Variants in KCNN3 observed in about 807,000 individuals in gnomAD.
KCNN3 encodes the protein potassium calcium-activated channel subfamily N member 3, also known as small conductance calcium-activated potassium channel protein 3.
In KCNN3, 16 loss-of-function variants were observed where a neutral mutation model predicts 62.9. The ratio of observed to expected loss-of-function variants is 0.25; its 90% CI spans 0.17 to 0.39. The LOEUF (loss-of-function observed/expected upper bound fraction) is 0.39, where lower values mean the gene tolerates loss of function less well. Among genes scored for constraint, KCNN3 ranks in the 10% least tolerant of loss-of-function variants. The pLI is 1.00. For missense variants in KCNN3, 599 were observed against 949.4 expected, an observed-to-expected ratio of 0.63 and a Z score of 4.85; for synonymous variants, 370 against 389.2, an observed-to-expected ratio of 0.95 and a Z score of 0.58.
chr1:154,730,379 C>A (rs1209566733), intron 4 of KCNN3, among the ~76,000 whole-genome samples: 1 of 152,198 alleles, frequency 6.6e-6, no homozygotes, highest in Non-Finnish European at 1.5e-5. Context: ...TTTCCCTTCC[C>A]AAGCAGGCCT....
At chr1:154,836,161 C>G (rs1212242476) in intron 1 of KCNN3, among the ~76,000 whole-genome samples, 2 of 152,214 alleles carry the variant, frequency 1.3e-5, no homozygotes, top group East Asian at 3.8e-4. Flanking sequence ...GAAAAATATG[C>G]AAACAAGGAC....
At chr1:154,714,849 A>G in intron 6 of KCNN3, 27 bp downstream of exon 6, 1 of 1,612,794 alleles carries the variant, frequency 6.2e-7, no homozygotes, top group Non-Finnish European at 8.5e-7. Flanking sequence ...TGGTCATCTG[A>G]TGGCTGAACC....
chr1:154,752,284 C>G (rs1358756008), intron 3 of KCNN3, among the ~76,000 whole-genome samples: 1 of 147,858 alleles, frequency 6.8e-6, no homozygotes, highest in Non-Finnish European at 1.5e-5. Context: ...TAATTATCCT[C>G]TAAAACGAAG....
At chr1:154,792,165 C>T (rs188655813) in intron 2 of KCNN3, among the ~76,000 whole-genome samples, 1 of 152,294 alleles carries the variant, frequency 6.6e-6, no homozygotes, top group African/African-American at 2.4e-5. Flanking sequence ...GAACAGAGTG[C>T]CACGATGCTG....
At chr1:154,746,308 C>A (rs1379660864) in intron 3 of KCNN3, among the ~76,000 whole-genome samples, 2 of 152,158 alleles carry the variant, frequency 1.3e-5, no homozygotes, top group Non-Finnish European at 2.9e-5. Context: ...ACACGGCTAT[C>A]TCAGAGGAGC....
At chr1:154,729,247 G>T (rs1700540226) in intron 4 of KCNN3, among the ~76,000 whole-genome samples, 1 of 151,870 alleles carries the variant, frequency 6.6e-6, no homozygotes, top group Non-Finnish European at 1.5e-5. Context: ...TCAGCCTTTT[G>T]CTTTCAGATA....
intron 2 of KCNN3, among the ~76,000 whole-genome samples, chr1:154,776,770 C>T (rs1648807406): frequency 6.6e-6 from 1 of 152,230 alleles, no homozygotes. Flanking sequence ...TGGTTCTCAA[C>T]CTACTTGCGT....
intron 1 of KCNN3, among the ~76,000 whole-genome samples, chr1:154,849,183 C>T (rs972823932): frequency 2.6e-5 from 4 of 152,322 alleles, no homozygotes; most frequent in African/African-American, 7.2e-5. Context: ...AAATCTGCCA[C>T]TCAACCAGCT....
intron 3 of KCNN3, among the ~76,000 whole-genome samples, chr1:154,767,990 T>G (rs1648375478): frequency 6.6e-6 from 1 of 152,224 alleles, no homozygotes; most frequent in South Asian, 2.1e-4. Flanking sequence ...CAGAAGTGTG[T>G]GTATACAACT....
At chr1:154,828,854 C>A (rs973798588) in intron 1 of KCNN3, among the ~76,000 whole-genome samples, 3 of 152,222 alleles carry the variant, frequency 2.0e-5, no homozygotes, top group African/African-American at 7.2e-5. Flanking sequence ...TTTATGGCTG[C>A]AATAATTTAT....
At chr1:154,763,900 T>A (rs1648137472) in intron 3 of KCNN3, among the ~76,000 whole-genome samples, 2 of 152,248 alleles carry the variant, frequency 1.3e-5, no homozygotes, top group African/African-American at 4.8e-5. Context: ...TCAATCTCAT[T>A]TTTTGTATAA....
At chr1:154,771,038 G>A (rs934242514) in intron 3 of KCNN3, among the ~76,000 whole-genome samples, 1 of 151,272 alleles carries the variant, frequency 6.6e-6, no homozygotes, top group Non-Finnish European at 1.5e-5. Flanking sequence ...GCCTGGGCGA[G>A]AGAGCGAGAC....
chr1:154,781,512 C>A (rs1409973340), intron 2 of KCNN3, among the ~76,000 whole-genome samples: 1 of 152,202 alleles, frequency 6.6e-6, no homozygotes, highest in Non-Finnish European at 1.5e-5. Context: ...TAGAGAAGAA[C>A]ATTCAAAGAT....
intron 7 of KCNN3, among the ~76,000 whole-genome samples, chr1:154,710,926 T>A (rs1313207495): frequency 1.3e-5 from 2 of 152,186 alleles, no homozygotes. Flanking sequence ...ATTGTGGAAG[T>A]CAGTGTGGAG....
At chr1:154,739,706 A>T (rs1342742363) in intron 3 of KCNN3, among the ~76,000 whole-genome samples, 2 of 152,248 alleles carry the variant, frequency 1.3e-5, no homozygotes, top group African/African-American at 4.8e-5. Flanking sequence ...AAGTTAGGTT[A>T]TGGTAAGATC....
At chr1:154,833,396 C>T (rs1651451733) in intron 1 of KCNN3, among the ~76,000 whole-genome samples, 2 of 152,172 alleles carry the variant, frequency 1.3e-5, no homozygotes, top group African/African-American at 2.4e-5. Flanking sequence ...CAGCCTCGTC[C>T]GTGTTTCCCA....
In KCNN3 at chr1:154,869,262, G is replaced by T. The variant is rs937986284; in HGVS notation, c.703C>A (p.His235Asn). Residue 235 changes from histidine (H) to asparagine (N), a missense_variant, in exon 1 of 8, where the codon CAT becomes AAT. This residue lies in a region of KCNN3 where 80 missense variants were observed against 85.4 expected (regional missense o/e 0.94). Transcript: ENST00000271915. This position sits in a 1 kb window ranked among gnomAD's most constrained non-coding sequence, Gnocchi z 6.1. ...EDNHAHQTLL[H>N]HPNATHNHQH... ...TGGTTGTGGGTGGCATTAGGGTGAT[G>T]GAGCAGGGTCTGGTGGGCATGGTTG... 6.2e-7 allele frequency: 1 copy of T among 1,613,946 alleles called. No individual in the cohort carries two copies. The highest frequency in any genetic ancestry group is 1.1e-5 in the South Asian group (1 of 91,074).
intron 2 of KCNN3, among the ~76,000 whole-genome samples, chr1:154,779,776 A>T (rs576614383): frequency 6.6e-6 from 1 of 152,324 alleles, no homozygotes; most frequent in Non-Finnish European, 1.5e-5. Context: ...TCAGCATGGC[A>T]TTCCATCCTT....
At position 154,706,720 on chromosome 1, in the gene KCNN3, G is replaced by GACC. The variant is rs1165318612; in HGVS notation, c.*1253_*1255dup. 1 of 152,184 alleles carries GACC rather than the reference G, an allele frequency of 6.6e-6. No individual in the cohort carries two copies. Among genetic ancestry groups the GACC allele is most frequent in the African/African-American group, 2.4e-5 (1 of 41,432 alleles). The allele number at this position is 152,184 out of a possible 1,614,324, so 9.4% of individuals were successfully genotyped here. ...AGATGACTTAAGGTCAGGTAGAAGG[G>GACC]ACCACATAGGCCACTCTTCATCACT... On this transcript the variant is annotated 3_prime_UTR_variant, in exon 8 of 8. Coordinates refer to ENST00000271915, the MANE Select transcript of KCNN3 (RefSeq NM_002249.6).
Sources: gnomAD v4.1 joint callset for allele counts (sites outside exome capture counted in the v4.1 genomes callset) on GRCh38, gnomAD v4.1.1 for gene constraint, gnomAD v4.1.1 regional missense constraint, Gnocchi (gnomAD v3.1) non-coding constraint, MANE v1.5 for transcripts, NCBI Gene and HGNC (gene_info 2026-07-23, HGNC 2026-07-21) for gene names.